The following CENPP variants were observed in gnomAD, a reference collection of about 807,000 sequenced individuals.
CENPP encodes centromere protein P.
A neutral mutation model predicts 35.6 loss-of-function variants in CENPP; 24 were observed. That is an observed-to-expected ratio of 0.67 (90% CI 0.49 to 0.95). CENPP has a LOEUF of 0.95. CENPP is among the 40% of genes least tolerant of loss of function. The pLI is 0.00. For missense variants in CENPP, 332 were observed against 345.3 expected (o/e 0.96, Z 0.31); for synonymous variants, 120 against 125.5 (o/e 0.96, Z 0.29).
chr9:92,552,065 A>T (rs1316860297), intron 5 of CENPP, among the ~76,000 whole-genome samples: 1 of 131,610 alleles, frequency 7.6e-6, no homozygotes, highest in Non-Finnish European at 1.6e-5. Flanking sequence ...CATATATGTG[A>T]TATGATAGAT....
At chr9:92,557,850 G>A (rs1164487576) in intron 5 of CENPP, among the ~76,000 whole-genome samples, 3 of 151,978 alleles carry the variant, frequency 2.0e-5, no homozygotes, top group Non-Finnish European at 4.4e-5. Flanking sequence ...TCAACATGTT[G>A]GCCAGGATGG....
At chr9:92,333,154 T>TGGGA in intron 2 of CENPP, among the ~76,000 whole-genome samples, 1 of 152,302 alleles carries the variant, frequency 6.6e-6, no homozygotes, top group East Asian at 1.9e-4. Context: ...AAAGGGAAGC[T>TGGGA]ACTGCAGCTG....
chr9:92,441,567 T>C (rs1363968751), intron 5 of CENPP, among the ~76,000 whole-genome samples: 1 of 152,132 alleles, frequency 6.6e-6, no homozygotes, highest in East Asian at 1.9e-4. Context: ...AAGACCAGCC[T>C]GAGCAACATA....
intron 5 of CENPP, among the ~76,000 whole-genome samples, chr9:92,562,326 G>C (rs781089625): frequency 1.3e-5 from 2 of 149,718 alleles, no homozygotes; most frequent in Non-Finnish European, 3.0e-5. Flanking sequence ...TGCCTCAGCC[G>C]CCTGAGTAGC....
At chr9:92,560,899 A>T (rs1341827944) in intron 5 of CENPP, among the ~76,000 whole-genome samples, 11 of 121,464 alleles carry the variant, frequency 9.1e-5, no homozygotes, top group South Asian at 2.5e-4. Context: ...TAAATTGGTT[A>T]CCCAATTCTT....
At chr9:92,339,027 A>G (rs1225389221) in intron 3 of CENPP, among the ~76,000 whole-genome samples, 7 of 152,208 alleles carry the variant, frequency 4.6e-5, no homozygotes, top group Non-Finnish European at 8.8e-5. Flanking sequence ...AGCCAGAGAA[A>G]GCAGTTGAAA....
chr9:92,346,044 A>T (rs1398376069), intron 4 of CENPP, among the ~76,000 whole-genome samples: 1 of 152,210 alleles, frequency 6.6e-6, no homozygotes, highest in Non-Finnish European at 1.5e-5. Flanking sequence ...CTCAGTCCTC[A>T]TGGAATTGAC....
intron 3 of CENPP, among the ~76,000 whole-genome samples, chr9:92,344,941 G>C (rs1251731372): frequency 6.6e-6 from 1 of 151,622 alleles, no homozygotes; most frequent in Non-Finnish European, 1.5e-5. Context: ...GGCAGAGACG[G>C]GGGGATCAGG....
chr9:92,487,879 G>A (rs1383530836), intron 5 of CENPP, among the ~76,000 whole-genome samples: 1 of 152,128 alleles, frequency 6.6e-6, no homozygotes. Flanking sequence ...AAGTTTGCTC[G>A]ATAGCAAGAA....
At chr9:92,455,596 C>T (rs1003531671) in intron 5 of CENPP, among the ~76,000 whole-genome samples, 3 of 152,048 alleles carry the variant, frequency 2.0e-5, no homozygotes, top group African/African-American at 7.2e-5. Context: ...TTCTTAACCT[C>T]GAAATCCAAA....
At chr9:92,488,430 T>TAG (rs1245728821) in intron 5 of CENPP, among the ~76,000 whole-genome samples, 2 of 152,218 alleles carry the variant, frequency 1.3e-5, no homozygotes, top group Non-Finnish European at 2.9e-5. Context: ...TATGAATACT[T>TAG]AGAGAATTTG....
chr9:92,334,418 C>G (rs921732508), intron 2 of CENPP, among the ~76,000 whole-genome samples: 1 of 151,914 alleles, frequency 6.6e-6, no homozygotes, highest in African/African-American at 2.4e-5. Context: ...TGCGCCTGGC[C>G]GAGAGTAGTA....
chr9:92,450,116 TTAAG>T (rs1377631133), intron 5 of CENPP, among the ~76,000 whole-genome samples: 1 of 151,934 alleles, frequency 6.6e-6, no homozygotes, highest in African/African-American at 2.4e-5. Context: ...TTATTATACT[TTAAG>T]TTTTACGGTA....
chr9:92,421,409 A>G (rs1456300877), intron 5 of CENPP, among the ~76,000 whole-genome samples: 2 of 152,212 alleles, frequency 1.3e-5, no homozygotes, highest in Non-Finnish European at 2.9e-5. Context: ...ATGAATTAAC[A>G]TATTTGGGCT....
rs1245727665 is a variant in CENPP at position 92,593,438 on chromosome 9, G to A, written c.565-17876G>A. The stretch of plus-strand genomic sequence containing the variant: ...GAAATTACTCTAGGAAAGCAAAGCC[G>A]TTTTAGGACAGCAAAGGATTTTCTT... On this transcript the variant is annotated intron_variant, in intron 5 of 7. Coordinates refer to ENST00000375587, the MANE Select transcript of CENPP (RefSeq NM_001012267.3). The surrounding 1 kb of genome is among the most constrained non-coding windows in gnomAD (Gnocchi z 4.1). Among the ~76,000 whole-genome samples, 1 of 152,228 alleles carries A rather than the reference G, an allele frequency of 6.6e-6. No individual in the cohort carries two copies. The highest frequency in any genetic ancestry group is 1.5e-5 in the Non-Finnish European group (1 of 68,040).
At chr9:92,442,834 G>A (rs1844452273) in intron 5 of CENPP, among the ~76,000 whole-genome samples, 1 of 150,000 alleles carries the variant, frequency 6.7e-6, no homozygotes, top group Non-Finnish European at 1.5e-5. Flanking sequence ...AGGTGACGGT[G>A]CAAGACTCCT....
chr9:92,514,629 A>G, intron 5 of CENPP: 2 of 1,564,978 alleles, frequency 1.3e-6, no homozygotes, highest in South Asian at 2.4e-5. Flanking sequence ...AACATCTCTT[A>G]CCAGTGAGCT....
In CENPP at chr9:92,616,027, C is replaced by A; in HGVS notation, c.*2878C>A. 1 of 1,614,042 alleles carries A rather than the reference C, an allele frequency of 6.2e-7. No homozygotes were observed. The highest frequency in any genetic ancestry group is 1.1e-5 in the South Asian group (1 of 91,054). ...ACACGGAAAAGGCAAACCTGGACCT[C>A]GATGAAGGGACGACAGGCCTTTGAT... On this transcript the variant is annotated 3_prime_UTR_variant, in exon 8 of 8. Coordinates refer to ENST00000375587, the MANE Select transcript of CENPP (RefSeq NM_001012267.3).
rs922553958 is a variant in CENPP, at chr9:92,588,317, C to T, written c.565-22997C>T. On this transcript the variant is annotated intron_variant, in intron 5 of 7. Coordinates refer to ENST00000375587, the MANE Select transcript of CENPP (RefSeq NM_001012267.3). ...AGGCTGGAGTGCAGTGGCGCGATCT[C>T]GGCTCACTGCAAGCTCTGTCTCCAG... Among the ~76,000 whole-genome samples, 8 of 151,542 alleles carry T rather than the reference C, an allele frequency of 5.3e-5. No individual in the cohort carries two copies. In the East Asian group the frequency reaches 1.4e-3, roughly 26 times the overall value.
Sources: gnomAD v4.1 joint callset for allele counts (sites outside exome capture counted in the v4.1 genomes callset) on GRCh38, gnomAD v4.1.1 for gene constraint, Gnocchi (gnomAD v3.1) non-coding constraint, MANE v1.5 for transcripts, NCBI Gene and HGNC (gene_info 2026-07-23, HGNC 2026-07-21) for gene names.